ERBB4: variants seen among roughly 807,000 people sequenced by gnomAD.
ERBB4 encodes the protein erb-b2 receptor tyrosine kinase 4, also known as receptor tyrosine-protein kinase erbB-4.
Under a neutral mutation model 158.0 loss-of-function variants are expected in ERBB4, and 42 were observed. That is an observed-to-expected ratio of 0.27 (90% CI 0.21 to 0.34). The LOEUF is 0.34. Among genes scored for constraint, ERBB4 ranks in the 10% least tolerant of loss-of-function variants. The pLI, the probability that ERBB4 is intolerant of heterozygous loss-of-function variation, is 1.00. For synonymous variants in ERBB4, 583 were observed against 558.7 expected (o/e 1.04, Z -0.61); for missense variants, 1,333 against 1,624.1 (o/e 0.82, Z 3.08).
chr2:212,089,359 G>A (rs1294134379), intron 2 of ERBB4, among the ~76,000 whole-genome samples: 1 of 152,088 alleles, frequency 6.6e-6, no homozygotes. Context: ...TATTCTTCCT[G>A]GCTGAATTGC....
At chr2:212,187,364 G>C (rs915780481) in intron 1 of ERBB4, among the ~76,000 whole-genome samples, 2 of 151,482 alleles carry the variant, frequency 1.3e-5, no homozygotes, top group Non-Finnish European at 2.9e-5. Context: ...CATGGCACAC[G>C]TATGTATGTA....
At chr2:211,919,359 C>A (rs913164084) in intron 3 of ERBB4, among the ~76,000 whole-genome samples, 1 of 151,718 alleles carries the variant, frequency 6.6e-6, no homozygotes, top group Non-Finnish European at 1.5e-5. Context: ...ACACTTTATA[C>A]AAAATTAAAT....
intron 1 of ERBB4, among the ~76,000 whole-genome samples, chr2:212,329,989 A>G (rs374172679): frequency 1.1e-4 from 16 of 152,174 alleles, no homozygotes; most frequent in East Asian, 3.9e-4. Context: ...CTGTAGATCA[A>G]TCTCTGAAGT....
At chr2:211,853,295 G>T (rs2077764040) in intron 3 of ERBB4, among the ~76,000 whole-genome samples, 1 of 151,974 alleles carries the variant, frequency 6.6e-6, no homozygotes, top group African/African-American at 2.4e-5. Flanking sequence ...GGTCCAGAGT[G>T]AGCAGTCTAT....
chr2:211,559,967 A>C (rs1313226532), intron 20 of ERBB4, among the ~76,000 whole-genome samples: 1 of 152,176 alleles, frequency 6.6e-6, no homozygotes, highest in Non-Finnish European at 1.5e-5. Flanking sequence ...CCTCCAGAGA[A>C]GGGTTGACTA....
chr2:211,967,936 T>C (rs1045514746), intron 2 of ERBB4, among the ~76,000 whole-genome samples: 7 of 152,116 alleles, frequency 4.6e-5, no homozygotes, highest in South Asian at 4.1e-4. Flanking sequence ...TCTGTGGGGA[T>C]GTTAACTGTA....
chr2:212,234,595 C>T (rs1039458928), intron 1 of ERBB4, among the ~76,000 whole-genome samples: 1 of 152,184 alleles, frequency 6.6e-6, no homozygotes, highest in Non-Finnish European at 1.5e-5. Context: ...TACACTCCCA[C>T]CAACAGCGTA....
In ERBB4 at chr2:211,664,897, A is replaced by G. The variant is rs562622711; in HGVS notation, c.1871+426T>C. Among the ~76,000 whole-genome samples the G allele has an allele frequency of 6.6e-5, 10 of 152,348 alleles. No homozygotes were observed. In the East Asian group the frequency reaches 1.9e-3, roughly 29 times the overall value. ...GAGTAATTTAAGGTAGTATTTATCA[A>G]AGAGAAATATCCTCACCTTAAGCTT... On this transcript the variant is annotated intron_variant, in intron 15 of 27. Coordinates refer to ENST00000342788, the MANE Select transcript of ERBB4 (RefSeq NM_005235.3).
chr2:211,754,598 G>A (rs186224636), intron 4 of ERBB4, among the ~76,000 whole-genome samples: 43 of 151,880 alleles, frequency 2.8e-4, no homozygotes, highest in East Asian at 5.8e-4. Context: ...TAGTAGGGAC[G>A]GGGTTTCACC....
chr2:211,691,765 G>A (rs1014971199), intron 12 of ERBB4, among the ~76,000 whole-genome samples: 1 of 151,992 alleles, frequency 6.6e-6, no homozygotes, highest in African/African-American at 2.4e-5. Flanking sequence ...AGGGGCAATT[G>A]TAACTCTAGC....
At chr2:211,992,565 G>GA (rs1553528744) in intron 2 of ERBB4, among the ~76,000 whole-genome samples, 11 of 122,604 alleles carry the variant, frequency 9.0e-5, no homozygotes, top group Non-Finnish European at 1.0e-4. Flanking sequence ...GAGAGAGAGA[G>GA]AGAAAAAAAA....
At chr2:211,409,535 T>G (rs1485748113) in intron 25 of ERBB4, among the ~76,000 whole-genome samples, 2 of 152,212 alleles carry the variant, frequency 1.3e-5, no homozygotes, top group African/African-American at 2.4e-5. Context: ...GCTCTGATTT[T>G]GGCTCTATCA....
chr2:212,403,472 T>A (rs1218604161), intron 1 of ERBB4, among the ~76,000 whole-genome samples: 1 of 152,176 alleles, frequency 6.6e-6, no homozygotes, highest in Middle Eastern at 3.4e-3. Context: ...CTATTTACAA[T>A]ATCCAAGATA....
At chr2:212,274,602 A>T (rs1259703064) in intron 1 of ERBB4, among the ~76,000 whole-genome samples, 2 of 151,826 alleles carry the variant, frequency 1.3e-5, no homozygotes, top group Admixed American at 1.3e-4. Flanking sequence ...ACATTAGTTT[A>T]TATTTCTCTC....
intron 1 of ERBB4, among the ~76,000 whole-genome samples, chr2:212,438,326 G>A (rs1258046932): frequency 6.6e-6 from 1 of 151,972 alleles, no homozygotes; most frequent in Non-Finnish European, 1.5e-5. Flanking sequence ...ATAAATACCA[G>A]GAGAAAAATA....
At chr2:211,791,492 G>A (rs1157989601) in intron 3 of ERBB4, among the ~76,000 whole-genome samples, 1 of 150,886 alleles carries the variant, frequency 6.6e-6, no homozygotes, top group Non-Finnish European at 1.5e-5. Flanking sequence ...AAGATGCAAA[G>A]TGTCTGGATG....
In ERBB4 at chr2:212,080,645, A is replaced by G. The variant is rs567481721; in HGVS notation, c.234+44107T>C. On this transcript the variant is annotated intron_variant, in intron 2 of 27. Transcript: ENST00000342788. The stretch of plus-strand genomic sequence containing the variant: ...ACAATTTAGCAGATGATTTTGCGAC[A>G]AAGTTTTATCTCATTTTATGGTATA... 6.0e-5 allele frequency among the ~76,000 whole-genome samples: 9 copies of G among 149,854 alleles called. No individual in the cohort carries two copies. The East Asian group carries it at 1.0e-3, about 17-fold the overall frequency.
At chr2:212,279,294 A>G (rs1463449853) in intron 1 of ERBB4, among the ~76,000 whole-genome samples, 1 of 151,562 alleles carries the variant, frequency 6.6e-6, no homozygotes, top group Non-Finnish European at 1.5e-5. Flanking sequence ...TAACTCTGGC[A>G]GATCTCTACT....
chr2:211,551,739 T>A (rs2067104237), intron 20 of ERBB4, among the ~76,000 whole-genome samples: 1 of 152,236 alleles, frequency 6.6e-6, no homozygotes, highest in Non-Finnish European at 1.5e-5. Flanking sequence ...AGAATTAAAC[T>A]AGAAATGTCA....
Sources: allele counts gnomAD v4.1 joint callset (sites outside exome capture counted in the v4.1 genomes callset), GRCh38; gene constraint gnomAD v4.1.1; transcripts MANE v1.5; gene names NCBI Gene and HGNC (gene_info 2026-07-23, HGNC 2026-07-21).